Variants in RAB25 observed in about 807,000 individuals in gnomAD.
RAB25 encodes RAB25, member RAS oncogene family.
A neutral mutation model predicts 25.2 loss-of-function variants in RAB25; 23 were observed. The ratio of observed to expected loss-of-function variants is 0.91; its 90% CI spans 0.66 to 1.29. The LOEUF (loss-of-function observed/expected upper bound fraction) is 1.29, where lower values mean the gene tolerates loss of function less well. RAB25 is among the 50% of genes most tolerant of loss of function. The pLI, the probability that RAB25 is intolerant of heterozygous loss-of-function variation, is 0.00. For missense variants in RAB25, 244 were observed against 277.3 expected, an observed-to-expected ratio of 0.88 and a Z score of 0.85; for synonymous variants, 102 against 111.5, an observed-to-expected ratio of 0.91 and a Z score of 0.54.
chr1:156,068,605 A>G, intron 3 of RAB25, 142 bp downstream of exon 3: 1 of 682,298 alleles, frequency 1.5e-6, no homozygotes, highest in East Asian at 2.8e-5. Flanking sequence ...CCTCTTCCTC[A>G]GGATTTCCCA....
chr1:156,066,989 A>G (rs1417500750), intron 2 of RAB25, among the ~76,000 whole-genome samples: 1 of 151,738 alleles, frequency 6.6e-6, no homozygotes, highest in African/African-American at 2.4e-5. Flanking sequence ...TAATCCCAGC[A>G]CTTTGGGAGG....
intron 2 of RAB25, among the ~76,000 whole-genome samples, chr1:156,067,067 T>C (rs1647766026): frequency 1.3e-5 from 2 of 151,854 alleles, no homozygotes; most frequent in Admixed American, 6.6e-5. Flanking sequence ...CCCCCGTCTC[T>C]ACTAAAAATA....
Position 156,070,498 on chromosome 1 carries a change from A to C in RAB25, c.*211A>C. On this transcript the variant is annotated 3_prime_UTR_variant, in exon 5 of 5. Transcript: ENST00000361084. ...TAGGACCCTCAAATAAAGCTGTTTT[A>C]TATCAATGCCTGGTCATTCCACTGC... 1 of 613,160 alleles carries C rather than the reference A, an allele frequency of 1.6e-6. No individual in the cohort carries two copies. The highest frequency in any genetic ancestry group is 2.8e-6 in the Non-Finnish European group (1 of 360,872). The allele number at this position is 613,160 out of a possible 1,614,324, so 38.0% of individuals were successfully genotyped here.
intron 1 of RAB25, among the ~76,000 whole-genome samples, chr1:156,062,449 G>A (rs1007041603): frequency 2.0e-5 from 3 of 151,996 alleles, no homozygotes; most frequent in African/African-American, 7.3e-5. Flanking sequence ...GGACTCTCCA[G>A]CCACCCTACC....
intron 2 of RAB25, among the ~76,000 whole-genome samples, chr1:156,068,032 C>T (rs1168221504): frequency 3.9e-5 from 6 of 152,064 alleles, no homozygotes; most frequent in African/African-American, 1.2e-4. Flanking sequence ...GGATTACAGG[C>T]GTGAGCCACC....
intron 2 of RAB25, among the ~76,000 whole-genome samples, chr1:156,067,819 C>T (rs1647785700): frequency 1.3e-5 from 2 of 152,328 alleles, no homozygotes; most frequent in African/African-American, 4.8e-5. Context: ...ATGGAGCGAT[C>T]TCAGATCACT....
At chr1:156,067,483 G>T (rs1193639907) in intron 2 of RAB25, among the ~76,000 whole-genome samples, 2 of 152,218 alleles carry the variant, frequency 1.3e-5, no homozygotes, top group Admixed American at 6.5e-5. Context: ...AGGGAGACTG[G>T]ATGCTTTCAG....
chr1:156,065,865 G>C (rs1177389869), intron 1 of RAB25, 46 bp from the exon 2 acceptor site: 4 of 1,433,302 alleles, frequency 2.8e-6, no homozygotes, highest in Non-Finnish European at 3.8e-6. Flanking sequence ...GGTGGGGTTG[G>C]AGCTGCTCTA....
In RAB25 at chr1:156,069,654, G is replaced by C; in HGVS notation, c.434-17G>C. 1 of 1,580,922 alleles carries C rather than the reference G, an allele frequency of 6.3e-7. No homozygotes were observed. Among genetic ancestry groups the C allele is most frequent in the Non-Finnish European group, 8.7e-7 (1 of 1,149,882 alleles). ...CTTTGACTCCCACAATTAATGGTGT[G>C]TTTCCCTTCCTGGCAGAAAACAATG... is the stretch of plus-strand genomic sequence containing the variant. On this transcript the variant is annotated splice_polypyrimidine_tract_variant and intron_variant, in intron 3 of 4. Transcript: ENST00000361084.
chr1:156,069,569 C>A (rs2102772228), intron 3 of RAB25, 102 bp from the exon 4 acceptor site: 2 of 926,520 alleles, frequency 2.2e-6, no homozygotes, highest in Non-Finnish European at 3.5e-6. Flanking sequence ...CTGCTACATG[C>A]CAAGAGTTTA....
chr1:156,070,005 CT>C lies in RAB25; in HGVS notation c.515-154del, dbSNP rs1173823379. ...CCACCCAAGTAAGTAGAAGGGACCC[CT>C]ATGTCCACACTTCATTTCCTTCCTG... On this transcript the variant is annotated intron_variant, in intron 4 of 4. Transcript: ENST00000361084. 25 of 1,195,984 alleles carry C rather than the reference CT, an allele frequency of 2.1e-5. No individual in the cohort carries two copies. The East Asian group carries it at 5.9e-4, about 28-fold the overall frequency. The allele number at this position is 1,195,984 out of a possible 1,614,324, so 74.1% of individuals were successfully genotyped here. A position where few individuals can be genotyped will look rare whatever the true frequency, so the allele number is the denominator to read the frequency against.
chr1:156,065,146 T>C (rs1334262989), intron 1 of RAB25, among the ~76,000 whole-genome samples: 1 of 152,186 alleles, frequency 6.6e-6, no homozygotes, highest in Non-Finnish European at 1.5e-5. Context: ...ACACTTACTA[T>C]ATCCTGGGCA....
intron 1 of RAB25, among the ~76,000 whole-genome samples, chr1:156,063,464 C>T (rs1159681247): frequency 6.6e-6 from 1 of 152,096 alleles, no homozygotes; most frequent in East Asian, 1.9e-4. Flanking sequence ...TGTTTTTTTA[C>T]AAATCAGCAC....
At chr1:156,061,791 AT>A (rs562818167) in intron 1 of RAB25, among the ~76,000 whole-genome samples, 1 of 151,068 alleles carries the variant, frequency 6.6e-6, no homozygotes, top group Non-Finnish European at 1.5e-5. Flanking sequence ...TCCCTCTTTT[AT>A]TTTTTTTTCT....
intron 1 of RAB25, among the ~76,000 whole-genome samples, chr1:156,061,992 C>A (rs1014990212): frequency 1.3e-5 from 2 of 151,788 alleles, no homozygotes; most frequent in African/African-American, 2.4e-5. Context: ...ACCATATTGG[C>A]CAGGATGGTC....
chr1:156,069,551 TA>T, intron 3 of RAB25, 119 bp from the exon 4 acceptor site: 4 of 786,568 alleles, frequency 5.1e-6, no homozygotes, highest in Non-Finnish European at 8.5e-6. Context: ...TTTTAAGGAT[TA>T]AATGATCTGC....
Position 156,070,414 on chromosome 1 carries a change from T to A in RAB25, c.*127T>A. On this transcript the variant is annotated 3_prime_UTR_variant, in exon 5 of 5. Transcript: ENST00000361084. ...TTCCCTGTTCACAGCACCCTCAGGGTCTTAAGGTCTTCATGCCCTATCACA... is the reference window on the plus strand; with the variant it reads ...TTCCCTGTTCACAGCACCCTCAGGGACTTAAGGTCTTCATGCCCTATCACA... 6 of 1,245,908 alleles carry A rather than the reference T, an allele frequency of 4.8e-6. No individual in the cohort carries two copies. The highest frequency in any genetic ancestry group is 5.5e-6 in the Non-Finnish European group (5 of 903,292). The allele number at this position is 1,245,908 out of a possible 1,614,324, so 77.2% of individuals were successfully genotyped here.
At position 156,068,193 on chromosome 1, in the gene RAB25, A is replaced by AG. The variant is rs1388861439; in HGVS notation, c.240-76dup. 3.0e-6 allele frequency: 4 copies of AG among 1,316,634 alleles called. No individual in the cohort carries two copies. In the African/African-American group the frequency reaches 5.8e-5, roughly 19 times the overall value. The allele number at this position is 1,316,634 out of a possible 1,614,324, so 81.6% of individuals were successfully genotyped here. A position where few individuals can be genotyped will look rare whatever the true frequency, so the allele number is the denominator to read the frequency against. On this transcript the variant is annotated intron_variant, in intron 2 of 4. Coordinates refer to ENST00000361084, the MANE Select transcript of RAB25 (RefSeq NM_020387.4). Reference sequence around the variant, plus strand: ...CTAGTACTCTGATCCCGGGTGTTCCAGCTTGACGGCTCTGCTCTGATGCTG... The same window carrying AG: ...CTAGTACTCTGATCCCGGGTGTTCCAGGCTTGACGGCTCTGCTCTGATGCTG...
In RAB25 at chr1:156,068,286, G is replaced by A. The variant is rs1279646007; in HGVS notation, c.256G>A (p.Val86Met). ...CCCACCCAGGTACTATCGTGGTGCA[G>A]TGGGGGCCCTCCTGGTGTTTGACCT... ...AITSAYYRGA[V>M]GALLVFDLTK... The change falls in exon 3 of 5, where the codon GTG becomes ATG. Residue 86 changes from valine to methionine, a missense_variant. Coordinates refer to ENST00000361084, the MANE Select transcript of RAB25 (RefSeq NM_020387.4). 1 of 1,613,208 alleles carries A rather than the reference G, an allele frequency of 6.2e-7. No homozygotes were observed. Among genetic ancestry groups the A allele is most frequent in the South Asian group, 1.1e-5 (1 of 91,060 alleles).
Sources: allele counts gnomAD v4.1 joint callset (sites outside exome capture counted in the v4.1 genomes callset), GRCh38; gene constraint gnomAD v4.1.1; transcripts MANE v1.5; gene names NCBI Gene and HGNC (gene_info 2026-07-23, HGNC 2026-07-21).